DDX42: variants seen among roughly 807,000 people sequenced by gnomAD.
The protein encoded by DDX42 is DEAD-box helicase 42, also known as ATP-dependent RNA helicase DDX42.
In DDX42, 22 loss-of-function variants were observed where a neutral mutation model predicts 101.5. The observed-to-expected ratio is 0.22, with a 90% CI of 0.15 to 0.31. The LOEUF (loss-of-function observed/expected upper bound fraction) is 0.31, where lower values mean the gene tolerates loss of function less well. Ranked by LOEUF, DDX42 falls within the 10% of genes least tolerant of loss-of-function variation. DDX42 has a pLI of 1.00. For synonymous variants in DDX42, 402 were observed against 401.2 expected, an observed-to-expected ratio of 1.00 and a Z score of -0.02; for missense variants, 849 against 1,199.9, an observed-to-expected ratio of 0.71 and a Z score of 4.32.
At chr17:63,776,274 T>C (rs745543069) in intron 1 of DDX42, 1 of 152,300 alleles carries the variant, frequency 6.6e-6, no homozygotes, top group Non-Finnish European at 1.5e-5. Context: ...GTTCCACATT[T>C]ATTCTCACTT....
chr17:63,799,462 C>A (rs772073636), intron 4 of DDX42, 127 bp from the exon 5 acceptor site: 66 of 966,356 alleles, frequency 6.8e-5, no homozygotes, highest in Non-Finnish European at 9.8e-5. Flanking sequence ...GTGCTCATTG[C>A]TGCTTTGTTA....
At chr17:63,802,939 G>A (rs1288687374) in intron 6 of DDX42, among the ~76,000 whole-genome samples, 3 of 150,910 alleles carry the variant, frequency 2.0e-5, no homozygotes, top group Non-Finnish European at 4.4e-5. Flanking sequence ...AAGCTTTCAA[G>A]CAAAAATTAG....
chr17:63,779,143 C>T (rs2039456782), intron 1 of DDX42, among the ~76,000 whole-genome samples: 1 of 152,150 alleles, frequency 6.6e-6, no homozygotes, highest in Admixed American at 6.5e-5. Context: ...TTAGGTATTT[C>T]AAAAGGGTTC....
At chr17:63,817,588 C>A in intron 17 of DDX42, 106 bp from the exon 18 acceptor site, 1 of 1,109,738 alleles carries the variant, frequency 9.0e-7, no homozygotes, top group Non-Finnish European at 1.3e-6. Flanking sequence ...ACTCACAGTG[C>A]CAGGATAGCA....
intron 3 of DDX42, among the ~76,000 whole-genome samples, chr17:63,797,354 A>AAAAG (rs1452819689): frequency 2.0e-5 from 3 of 149,402 alleles, no homozygotes; most frequent in South Asian, 4.2e-4. Flanking sequence ...CTCCATCTCA[A>AAAAG]AAAAAAAAAA....
intron 6 of DDX42, among the ~76,000 whole-genome samples, chr17:63,804,218 G>T (rs2039810510): frequency 6.6e-6 from 1 of 151,846 alleles, no homozygotes; most frequent in Non-Finnish European, 1.5e-5. Flanking sequence ...GCTGAGGCAG[G>T]AGAATCACTT....
Position 63,817,721 on chromosome 17 carries a change from G to A in DDX42, c.2140G>A (p.Ala714Thr). Reference protein sequence around the residue: ...QSQYKSHFVAASLSNQKAGSS... With the variant: ...QSQYKSHFVATSLSNQKAGSS... Reference sequence around the variant, plus strand: ...ACAGTACAAGAGTCACTTTGTTGCAGCCAGTTTAAGTAATCAGAAGGCTGG... The same window carrying A: ...ACAGTACAAGAGTCACTTTGTTGCAACCAGTTTAAGTAATCAGAAGGCTGG... The change falls in exon 18 of 18, where the codon GCC (alanine) becomes ACC (threonine). Residue 714 changes from alanine (A) to threonine (T), a missense_variant. Physicochemically the swap from Ala to Thr is moderately conservative, Grantham distance 58. Around this residue, in one of 5 missense-constraint regions of DDX42, gnomAD observed 86 missense variants for 160.8 expected, o/e 0.53. Coordinates refer to ENST00000389924, the MANE Select transcript of DDX42 (RefSeq NM_203499.3). The A allele has an allele frequency of 6.2e-7, 1 of 1,614,198 alleles. No homozygotes were observed. Among genetic ancestry groups the A allele is most frequent in the Non-Finnish European group, 8.5e-7 (1 of 1,180,038 alleles).
chr17:63,807,970 A>G (rs2039862489), intron 9 of DDX42, 70 bp downstream of exon 9: 1 of 1,469,212 alleles, frequency 6.8e-7, no homozygotes, highest in Non-Finnish European at 9.1e-7. Context: ...CAAGTGAGGT[A>G]GAATGACCAG....
chr17:63,784,779 G>GT (rs2039526635), intron 1 of DDX42, among the ~76,000 whole-genome samples: 2 of 132,864 alleles, frequency 1.5e-5, no homozygotes, highest in African/African-American at 2.6e-5. Context: ...CTTAAAAAAA[G>GT]ATTTTTTTTT....
chr17:63,788,718 C>T (rs1001768749), intron 2 of DDX42, among the ~76,000 whole-genome samples: 2 of 152,048 alleles, frequency 1.3e-5, no homozygotes, highest in Non-Finnish European at 2.9e-5. Context: ...TACCAATTAC[C>T]GTTTTTAACT....
chr17:63,800,574 C>G lies in DDX42; in HGVS notation c.578C>G (p.Thr193Ser), dbSNP rs2039750400. The G allele has an allele frequency of 3.7e-6, 6 of 1,613,838 alleles. No individual in the cohort carries two copies. Among genetic ancestry groups the G allele is most frequent in the Middle Eastern group, 3.3e-4 (2 of 6,062 alleles). Residue 193 changes from threonine to serine, a missense_variant, in exon 6 of 18, where the codon ACC (threonine) becomes AGC (serine). Coordinates refer to ENST00000389924, the MANE Select transcript of DDX42 (RefSeq NM_203499.3). ...YDSDGNPIAP[T>S]KKIIDPLPPI... ...AGTGACGGAAATCCAATTGCACCTA[C>G]CAAAAAAATCATTGATCCTCTTCCC...
chr17:63,811,291 C>T, intron 13 of DDX42, 118 bp downstream of exon 13: 2 of 760,642 alleles, frequency 2.6e-6, no homozygotes, highest in Admixed American at 3.4e-5. Context: ...ATAGATGCAA[C>T]ATGCTTGAGA....
chr17:63,813,457 G>A lies in DDX42; in HGVS notation c.1902+3G>A. On this transcript the variant is annotated splice_donor_region_variant and intron_variant, in intron 15 of 17. Coordinates refer to ENST00000389924, the MANE Select transcript of DDX42 (RefSeq NM_203499.3). The stretch of plus-strand genomic sequence containing the variant: ...AACTCCTAGATCTGGCAATGCAGGT[G>A]AGGGGCTGGGCACACTTTCAATTGC... 1.2e-6 allele frequency: 2 copies of A among 1,612,864 alleles called. No homozygotes were observed. Among genetic ancestry groups the A allele is most frequent in the Non-Finnish European group, 1.7e-6 (2 of 1,179,066 alleles).
intron 1 of DDX42, among the ~76,000 whole-genome samples, chr17:63,778,740 A>G (rs2039451113): frequency 6.6e-6 from 1 of 151,958 alleles, no homozygotes; most frequent in African/African-American, 2.4e-5. Flanking sequence ...TCCTGGGTTC[A>G]AGAGATTCTC....
chr17:63,774,593 C>T (rs562315754), intron 1 of DDX42: 3 of 156,704 alleles, frequency 1.9e-5, no homozygotes, highest in East Asian at 3.6e-4. Context: ...ACAGCTCCCG[C>T]TTCCCTCACA....
intron 2 of DDX42, among the ~76,000 whole-genome samples, chr17:63,787,652 A>G (rs1287970754): frequency 6.6e-6 from 1 of 152,084 alleles, no homozygotes; most frequent in African/African-American, 2.4e-5. Context: ...CAGCCTGGCC[A>G]ATATGGTGAA....
chr17:63,800,394 T>C, intron 5 of DDX42, 74 bp from the exon 6 acceptor site: 1 of 1,454,528 alleles, frequency 6.9e-7, no homozygotes. Context: ...TGGTACACTA[T>C]GTGCGCTAAT....
At chr17:63,791,632 G>A (rs892765639) in intron 2 of DDX42, among the ~76,000 whole-genome samples, 3 of 152,050 alleles carry the variant, frequency 2.0e-5, no homozygotes, top group African/African-American at 7.2e-5. Flanking sequence ...TTTCAATTCC[G>A]GAAGTTTTCT....
intron 4 of DDX42, among the ~76,000 whole-genome samples, chr17:63,798,420 C>T (rs770511694): frequency 3.9e-5 from 6 of 152,034 alleles, no homozygotes; most frequent in East Asian, 1.9e-4. Context: ...CTGAGTTTGT[C>T]GCATAATTAA....
Sources: gnomAD v4.1 joint callset for allele counts (sites outside exome capture counted in the v4.1 genomes callset) on GRCh38, gnomAD v4.1.1 for gene constraint, gnomAD v4.1.1 regional missense constraint, MANE v1.5 for transcripts, NCBI Gene and HGNC (gene_info 2026-07-23, HGNC 2026-07-21) for gene names.